The following PLCH1 variants were observed in gnomAD, a reference collection of about 807,000 sequenced individuals.
PLCH1 encodes 1-phosphatidylinositol 4,5-bisphosphate phosphodiesterase eta-1.
PLCH1 carries 60 observed loss-of-function variants against 126.7 expected under a neutral mutation model. That is an observed-to-expected ratio of 0.47 (90% CI 0.38 to 0.59). The LOEUF is 0.59. PLCH1 is among the 20% of genes least tolerant of loss of function. The pLI is 0.00. For synonymous variants in PLCH1, 719 were observed against 734.9 expected, an observed-to-expected ratio of 0.98 and a Z score of 0.35; for missense variants, 1,723 against 2,040.0, an observed-to-expected ratio of 0.84 and a Z score of 2.99.
chr3:155,541,593 A>T (rs1724240032), intron 10 of PLCH1, among the ~76,000 whole-genome samples: 1 of 152,178 alleles, frequency 6.6e-6, no homozygotes, highest in Non-Finnish European at 1.5e-5. Flanking sequence ...TAAGTTTGCC[A>T]TCTTATATAG....
intron 2 of PLCH1, among the ~76,000 whole-genome samples, chr3:155,625,388 C>T (rs928697515): frequency 2.0e-5 from 3 of 152,088 alleles, no homozygotes; most frequent in Non-Finnish European, 2.9e-5. Flanking sequence ...CCAAAATTGA[C>T]AAATGAGATC....
chr3:155,458,199 G>T (rs965839830), intron 21 of PLCH1, among the ~76,000 whole-genome samples: 1 of 151,582 alleles, frequency 6.6e-6, no homozygotes, highest in African/African-American at 2.4e-5. Context: ...AAAATTAGTG[G>T]GGCGTAGTAG....
At chr3:155,741,851 A>C (rs1329694966) in intron 1 of PLCH1, among the ~76,000 whole-genome samples, 1 of 152,096 alleles carries the variant, frequency 6.6e-6, no homozygotes, top group Non-Finnish European at 1.5e-5. Context: ...AAGAAACCTG[A>C]GAATTACAAG....
intron 7 of PLCH1, 84 bp downstream of exon 7, chr3:155,568,147 T>C (rs983640923): frequency 1.8e-5 from 12 of 658,694 alleles, no homozygotes; most frequent in Non-Finnish European, 2.7e-5. Flanking sequence ...TATGTCCTGA[T>C]TTCTTTTCCT....
intron 2 of PLCH1, among the ~76,000 whole-genome samples, chr3:155,678,925 AT>A (rs1035614970): frequency 1.3e-5 from 2 of 152,230 alleles, no homozygotes; most frequent in African/African-American, 4.8e-5. Flanking sequence ...CAGCTTCTAA[AT>A]TTACAATCAG....
At chr3:155,633,458 AC>A (rs1339708284) in intron 2 of PLCH1, among the ~76,000 whole-genome samples, 2 of 150,618 alleles carry the variant, frequency 1.3e-5, no homozygotes, top group East Asian at 3.9e-4. Context: ...AAACATAAAC[AC>A]ACCTACTTGC....
At chr3:155,462,420 A>G (rs2107974538) in intron 21 of PLCH1, among the ~76,000 whole-genome samples, 1 of 152,302 alleles carries the variant, frequency 6.6e-6, no homozygotes, top group Admixed American at 6.5e-5. Context: ...AGAGATGGTG[A>G]GTATCAGCTA....
rs146190910 is a variant in PLCH1, at chr3:155,742,986, C to T, written c.-41+1854G>A. 518 of 239,700 alleles carry T rather than the reference C, an allele frequency of 2.2e-3. 3 individuals carry two copies. The highest frequency in any genetic ancestry group is 0.011 in the African/African-American group (470 of 42,114). The allele number at this position is 239,700 out of a possible 1,614,324, so 14.8% of individuals were successfully genotyped here. On this transcript the variant is annotated intron_variant, in intron 1 of 22. Coordinates refer to ENST00000460012, the MANE Select transcript of PLCH1 (RefSeq NM_014996.4). ...CAAGGTATTTTATGCCACACTTTATCCCAAGAAGAATAACTCCATTTTAAA... is the reference window on the plus strand; with the variant it reads ...CAAGGTATTTTATGCCACACTTTATTCCAAGAAGAATAACTCCATTTTAAA...
At chr3:155,733,142 G>T (rs560915024) in intron 1 of PLCH1, among the ~76,000 whole-genome samples, 2 of 152,142 alleles carry the variant, frequency 1.3e-5, no homozygotes, top group African/African-American at 2.4e-5. Flanking sequence ...ATTACTCAAA[G>T]CAATCTACAT....
intron 21 of PLCH1, among the ~76,000 whole-genome samples, chr3:155,458,427 AAGGAAGGAAGGAAGGAAGGAAGGAAG>A (rs1177637641): frequency 6.0e-5 from 5 of 83,954 alleles, no homozygotes; most frequent in African/African-American, 2.5e-4. Flanking sequence ...GGAAGGAAGG[AAGGAAGGAAGGAAGGAAGGAAGGAAG>A]GAAAGAAAGA....
At chr3:155,657,842 AG>A (rs1301997981) in intron 2 of PLCH1, 2 of 152,192 alleles carry the variant, frequency 1.3e-5, no homozygotes, top group African/African-American at 2.4e-5. Flanking sequence ...AAAGTGAAAA[AG>A]GGTAAGTCAA....
chr3:155,537,202 C>CAAAAAAAAAAAA (rs535908017), intron 10 of PLCH1, among the ~76,000 whole-genome samples: 34 of 10,366 alleles, frequency 3.3e-3, no homozygotes, highest in East Asian at 5.9e-3. Context: ...AAAAAAAAAC[C>CAAAAAAAAAAAA]AAAAAAAAAA....
Position 155,480,846 on chromosome 3 carries a change from GAC to G in PLCH1, c.*120_*121del. 1.2e-6 allele frequency: 1 copy of G among 835,328 alleles called. No homozygotes were observed. Among genetic ancestry groups the G allele is most frequent in the Middle Eastern group, 3.6e-4 (1 of 2,804 alleles). The allele number at this position is 835,328 out of a possible 1,614,324, so 51.7% of individuals were successfully genotyped here. ...GGGAGAACACATGAAGTCAAAGGGAGACCCAAATACAAGTTTAAAAATACATT... is the reference window on the plus strand; with the variant it reads ...GGGAGAACACATGAAGTCAAAGGGAGCCAAATACAAGTTTAAAAATACATT... On this transcript the variant is annotated 3_prime_UTR_variant, in exon 23 of 23. Coordinates refer to ENST00000460012, the MANE Select transcript of PLCH1 (RefSeq NM_014996.4).
intron 2 of PLCH1, among the ~76,000 whole-genome samples, chr3:155,681,113 C>T (rs181157556): frequency 1.2e-3 from 186 of 152,172 alleles, no homozygotes; most frequent in Admixed American, 2.6e-3. Flanking sequence ...AGGTGTTTTA[C>T]TTTCTTCTTT....
intron 6 of PLCH1, among the ~76,000 whole-genome samples, chr3:155,568,752 C>CTGTGTGTGTGTGTGTGTGTG (rs2108531132): frequency 1.4e-5 from 1 of 69,528 alleles, no homozygotes; most frequent in African/African-American, 5.8e-5. Context: ...GTAAATGTAC[C>CTGTGTGTGTGTGTGTGTGTG]TCTGTGTGTG....
intron 1 of PLCH1, among the ~76,000 whole-genome samples, chr3:155,719,180 C>G (rs2109129879): frequency 6.6e-6 from 1 of 152,260 alleles, no homozygotes; most frequent in Non-Finnish European, 1.5e-5. Flanking sequence ...CTACCCTTTC[C>G]CCTGAGTCCC....
Position 155,461,906 on chromosome 3 carries a change from T to A in PLCH1, c.2938+23450A>T, listed in dbSNP as rs548979639. ...CATAGTATCAGGCTCAGATCCTATG[T>A]ATGGATTGGAAAAGCAAGGGCTCTG... On this transcript the variant is annotated intron_variant, in intron 21 of 21. Transcript: ENST00000494598. Among the ~76,000 whole-genome samples the A allele has an allele frequency of 1.7e-4, 26 of 152,278 alleles. No individual in the cohort carries two copies. In the South Asian group the frequency reaches 5.4e-3, roughly 32 times the overall value.
rs183099060 is a variant in PLCH1, at chr3:155,497,393, C to T, written c.1821G>A (p.Met607Ile). ...LYRLGRRRKT[M>I]KLCRELSDLV... Reference sequence around the variant, plus strand: ...AATCAGAGAGTTCTCGGCAGAGCTTCATGGTTTTCCTTCGGCGACCCAATC... The same window carrying T: ...AATCAGAGAGTTCTCGGCAGAGCTTTATGGTTTTCCTTCGGCGACCCAATC... Residue 607 changes from methionine to isoleucine, a missense_variant, in exon 15 of 23, where the codon ATG (methionine) becomes ATA (isoleucine). Met to Ile is a conservative substitution (Grantham distance 10). Around this residue, in one of 2 missense-constraint regions of PLCH1, gnomAD observed 776 missense variants for 1,062.9 expected, o/e 0.73. Coordinates refer to ENST00000460012, the MANE Select transcript of PLCH1 (RefSeq NM_014996.4). 6.2e-7 allele frequency: 1 copy of T among 1,613,904 alleles called. No individual in the cohort carries two copies. The highest frequency in any genetic ancestry group is 8.5e-7 in the Non-Finnish European group (1 of 1,179,796).
At chr3:155,661,182 A>G (rs546727302) in intron 2 of PLCH1, among the ~76,000 whole-genome samples, 12 of 152,372 alleles carry the variant, frequency 7.9e-5, no homozygotes, top group South Asian at 2.1e-4. Flanking sequence ...TGTAGTTCAC[A>G]TAGCACAACC....
Sources: gnomAD v4.1 joint callset for allele counts (sites outside exome capture counted in the v4.1 genomes callset) on GRCh38, gnomAD v4.1.1 for gene constraint, gnomAD v4.1.1 regional missense constraint, MANE v1.5 for transcripts, NCBI Gene and HGNC (gene_info 2026-07-23, HGNC 2026-07-21) for gene names.